Variants in COL6A6 observed in about 807,000 individuals in gnomAD.
The protein encoded by COL6A6 is collagen type VI alpha 6 chain.
COL6A6 carries 183 observed loss-of-function variants against 208.6 expected under a neutral mutation model. That is an observed-to-expected ratio of 0.88 (90% CI 0.78 to 0.99). The LOEUF (loss-of-function observed/expected upper bound fraction) is 0.99, where lower values mean the gene tolerates loss of function less well. Among genes scored for constraint, COL6A6 ranks in the 50% least tolerant of loss-of-function variants. The probability of loss-of-function intolerance (pLI) is 0.00; values close to 1 mark genes in which losing one functional copy is unlikely to be tolerated. For synonymous variants in COL6A6, 973 were observed against 1,011.8 expected (o/e 0.96, Z 0.73); for missense variants, 2,816 against 2,815.2 (o/e 1.00, Z -0.01).
At chr3:130,555,635 TG>T (rs1450287382) in intron 1 of COL6A6, among the ~76,000 whole-genome samples, 1 of 152,210 alleles carries the variant, frequency 6.6e-6, no homozygotes, top group Non-Finnish European at 1.5e-5. Context: ...CCCATTAGGA[TG>T]ATATGTATTC....
At chr3:130,600,135 A>G (rs2063970898) in intron 20 of COL6A6, among the ~76,000 whole-genome samples, 1 of 152,258 alleles carries the variant, frequency 6.6e-6, no homozygotes. Context: ...AGCGTTTTAA[A>G]TCCAAATTCT....
At position 130,626,662 on chromosome 3, in the gene COL6A6, G is replaced by A. The variant is rs144257328; in HGVS notation, c.4941+115G>A. On this transcript the variant is annotated intron_variant, in intron 25 of 36. Coordinates refer to ENST00000358511, the MANE Select transcript of COL6A6 (RefSeq NM_001102608.3). Reference sequence around the variant, plus strand: ...GATACAATCCTCATGAAGTTTTATAGTTTTATAGAAATTAGGAGGGATATT... The same window carrying A: ...GATACAATCCTCATGAAGTTTTATAATTTTATAGAAATTAGGAGGGATATT... 1.7e-3 allele frequency: 1,260 copies of A among 751,504 alleles called. 14 individuals are homozygous for A. In the African/African-American group the frequency reaches 0.019, roughly 11 times the overall value. 46.6% of individuals were successfully genotyped at this position (751,504 alleles called of 1,614,324 possible). A position where few individuals can be genotyped will look rare whatever the true frequency, so the allele number is the denominator to read the frequency against.
chr3:130,531,744 T>C (rs1046751363), intron 1 of COL6A6, among the ~76,000 whole-genome samples: 1 of 152,208 alleles, frequency 6.6e-6, no homozygotes, highest in South Asian at 2.1e-4. Context: ...ATGATTTGAT[T>C]TGAGTCAAAA....
chr3:130,539,014 G>A (rs976592041), intron 1 of COL6A6, among the ~76,000 whole-genome samples: 2 of 152,154 alleles, frequency 1.3e-5, no homozygotes, highest in African/African-American at 4.8e-5. Context: ...TTCATGGGGT[G>A]GCCCCTGTCC....
At chr3:130,589,412 G>T (rs1000700500) in intron 12 of COL6A6, among the ~76,000 whole-genome samples, 1 of 152,180 alleles carries the variant, frequency 6.6e-6, no homozygotes, top group Non-Finnish European at 1.5e-5. Context: ...CAACTGTCAA[G>T]ATCCTTGATT....
At chr3:130,651,823 A>C (rs2065653241) in intron 33 of COL6A6, among the ~76,000 whole-genome samples, 1 of 152,226 alleles carries the variant, frequency 6.6e-6, no homozygotes, top group Non-Finnish European at 1.5e-5. Context: ...AACTGACACA[A>C]TTCCACTCAC....
intron 7 of COL6A6, among the ~76,000 whole-genome samples, chr3:130,572,945 T>C (rs903442542): frequency 6.6e-6 from 1 of 152,222 alleles, no homozygotes; most frequent in African/African-American, 2.4e-5. Flanking sequence ...GTGCCAAGCA[T>C]AACTCATTCA....
rs770051811 is a variant in COL6A6, at chr3:130,662,303, T to C, written c.6497T>C (p.Ile2166Thr). The change falls in exon 35 of 37, where the codon ATC becomes ACC. Residue 2166 changes from isoleucine (I) to threonine (T), a missense_variant. Ile to Thr is a moderately conservative substitution (Grantham distance 89, BLOSUM62 -1). Coordinates refer to ENST00000358511, the MANE Select transcript of COL6A6 (RefSeq NM_001102608.3). ...TTTGTGAAGTCCTTTATAAACTCAA[T>C]CAGGCGTAAGTCATAAAATCTGTTG... Reference protein sequence around the residue: ...VKFVKSFINSIRRAINKYPPI... With the variant: ...VKFVKSFINSTRRAINKYPPI... 76 of 1,611,822 alleles carry C rather than the reference T, an allele frequency of 4.7e-5. No homozygotes were observed. Among genetic ancestry groups the C allele is most frequent in the Admixed American group, 1.7e-4 (10 of 59,928 alleles).
chr3:130,658,488 ATAGT>A (rs2065854980), intron 33 of COL6A6, among the ~76,000 whole-genome samples, 184 bp from the exon 34 acceptor site: 1 of 152,198 alleles, frequency 6.6e-6, no homozygotes, highest in African/African-American at 2.4e-5. Context: ...AACTTGTCAT[ATAGT>A]TAAATTGAGA....
intron 36 of COL6A6, among the ~76,000 whole-genome samples, chr3:130,673,199 CA>C (rs1204610705): frequency 6.6e-5 from 6 of 90,350 alleles, no homozygotes; most frequent in East Asian, 5.9e-4. Context: ...AACAAAAAAA[CA>C]AAAAAAACAA....
At chr3:130,644,965 C>T in intron 31 of COL6A6, 26 bp from the exon 32 acceptor site, 1 of 1,607,540 alleles carries the variant, frequency 6.2e-7, no homozygotes, top group Non-Finnish European at 8.5e-7. Flanking sequence ...AATAATAATC[C>T]AATCTCCTTT....
At chr3:130,588,780 G>A (rs934733725) in intron 11 of COL6A6, among the ~76,000 whole-genome samples, 4 of 152,122 alleles carry the variant, frequency 2.6e-5, no homozygotes, top group African/African-American at 9.7e-5. Flanking sequence ...GGCAGGGACA[G>A]ACAACCACAT....
At chr3:130,654,056 G>A (rs1158891709) in intron 33 of COL6A6, among the ~76,000 whole-genome samples, 1 of 152,216 alleles carries the variant, frequency 6.6e-6, no homozygotes, top group Admixed American at 6.5e-5. Context: ...GCAAATGGCA[G>A]CAATGTTTGG....
intron 24 of COL6A6, among the ~76,000 whole-genome samples, chr3:130,625,851 AG>A (rs1042954625): frequency 1.3e-5 from 2 of 152,212 alleles, no homozygotes; most frequent in Non-Finnish European, 2.9e-5. Context: ...TGTTAAAAAT[AG>A]GGGCAAATTG....
intron 11 of COL6A6, among the ~76,000 whole-genome samples, chr3:130,587,162 C>G (rs2063561209): frequency 6.6e-6 from 1 of 152,182 alleles, no homozygotes; most frequent in Non-Finnish European, 1.5e-5. Context: ...GCAATCTGCT[C>G]TAAAGCTGGA....
Position 130,563,333 on chromosome 3 carries a change from T to TCC in COL6A6, c.331_332insCC (p.Leu111ProfsTer26). 6.2e-7 allele frequency: 1 copy of TCC among 1,613,916 alleles called. No homozygotes were observed. Among genetic ancestry groups the TCC allele is most frequent in the Admixed American group, 1.7e-5 (1 of 60,016 alleles). On this transcript the variant is annotated frameshift_variant, in exon 3 of 37. Coordinates refer to ENST00000358511, the MANE Select transcript of COL6A6 (RefSeq NM_001102608.3). LOFTEE classifies it high-confidence loss of function. ...GCGGGTCCCTGCAGATAGGAAAGGC[T>TCC]CTTCAGGAGGCTCACAGGACTTATT...
chr3:130,582,562 G>C (rs1271699674), intron 10 of COL6A6, among the ~76,000 whole-genome samples: 1 of 152,070 alleles, frequency 6.6e-6, no homozygotes, highest in Non-Finnish European at 1.5e-5. Flanking sequence ...GGCCAACCAT[G>C]GTGTTTGAGA....
At chr3:130,637,932 G>A (rs2065204432) in intron 28 of COL6A6, among the ~76,000 whole-genome samples, 1 of 151,878 alleles carries the variant, frequency 6.6e-6, no homozygotes, top group South Asian at 2.1e-4. Context: ...GCTGTCCTGT[G>A]CCTTGTAGAA....
rs146156412 is a variant in COL6A6 at position 130,604,697 on chromosome 3, ATG to A, written c.4654-2230_4654-2229del. On this transcript the variant is annotated intron_variant, in intron 20 of 36. Transcript: ENST00000358511. ...GGAAGGGAACAGGAACTCAATAAATATGTGTTACAATAATTTATTTTCAGCAA... is the reference window on the plus strand; with the variant it reads ...GGAAGGGAACAGGAACTCAATAAATATGTTACAATAATTTATTTTCAGCAA... Among the ~76,000 whole-genome samples the A allele has an allele frequency of 9.0e-3, 1,376 of 152,314 alleles. 10 individuals are homozygous for A. The highest frequency in any genetic ancestry group is 0.017 in the African/African-American group (723 of 41,552).
Sources: allele counts gnomAD v4.1 joint callset (sites outside exome capture counted in the v4.1 genomes callset), GRCh38; gene constraint gnomAD v4.1.1; transcripts MANE v1.5; gene names NCBI Gene and HGNC (gene_info 2026-07-23, HGNC 2026-07-21).